The following SMIM13 variants were observed in gnomAD, a reference collection of about 807,000 sequenced individuals.
SMIM13 encodes the protein UPF0766 protein C6orf228.
Under a neutral mutation model 5.9 loss-of-function variants are expected in SMIM13, and 3 were observed. That is an observed-to-expected ratio of 0.51 (90% confidence interval 0.23 to 1.31). The LOEUF is 1.31. SMIM13 is among the 40% of genes most tolerant of loss of function. The pLI, the probability that SMIM13 is intolerant of heterozygous loss-of-function variation, is 0.18. For missense variants in SMIM13, 85 were observed against 109.9 expected, an observed-to-expected ratio of 0.77 and a Z score of 1.01; for synonymous variants, 55 against 46.0, an observed-to-expected ratio of 1.19 and a Z score of -0.79.
At chr6:11,104,855 A>C in intron 1 of SMIM13, 1 of 1,614,214 alleles carries the variant, frequency 6.2e-7, no homozygotes, top group South Asian at 1.1e-5. Flanking sequence ...GTTGGTTAGA[A>C]TCTACAGTGA....
intron 1 of SMIM13, among the ~76,000 whole-genome samples, chr6:11,110,472 C>A (rs1758150746): frequency 6.6e-6 from 1 of 152,156 alleles, no homozygotes; most frequent in African/African-American, 2.4e-5. Flanking sequence ...AGACGAGAAG[C>A]CTGTTTTTCT....
intron 1 of SMIM13, 127 bp downstream of exon 1, chr6:11,094,516 C>A: frequency 1.3e-6 from 1 of 746,020 alleles, no homozygotes; most frequent in South Asian, 1.8e-5. Context: ...TTAAAATCAA[C>A]TGTTGTCCCT....
chr6:11,121,685 C>G (rs923609630), intron 1 of SMIM13, among the ~76,000 whole-genome samples: 1 of 152,228 alleles, frequency 6.6e-6, no homozygotes, highest in Admixed American at 6.5e-5. Context: ...CACTTGTCTT[C>G]TCTTCCACTC....
At chr6:11,096,641 A>G (rs897086657) in intron 1 of SMIM13, among the ~76,000 whole-genome samples, 4 of 152,086 alleles carry the variant, frequency 2.6e-5, no homozygotes, top group Admixed American at 2.6e-4. Context: ...ATGACAAAAT[A>G]CCAGAGACTG....
At chr6:11,129,689 C>A (rs1482562780) in intron 1 of SMIM13, among the ~76,000 whole-genome samples, 1 of 151,942 alleles carries the variant, frequency 6.6e-6, no homozygotes, top group Non-Finnish European at 1.5e-5. Flanking sequence ...GTCTATGTGT[C>A]TGTTTTTTTA....
chr6:11,119,269 T>TCTCA (rs892939913), intron 1 of SMIM13, among the ~76,000 whole-genome samples: 2 of 152,142 alleles, frequency 1.3e-5, no homozygotes, highest in African/African-American at 2.4e-5. Flanking sequence ...TCTTTCTCTC[T>TCTCA]CTCACTCACT....
chr6:11,100,333 T>C (rs976154200), intron 1 of SMIM13, among the ~76,000 whole-genome samples: 2 of 152,228 alleles, frequency 1.3e-5, no homozygotes, highest in African/African-American at 4.8e-5. Flanking sequence ...GTACTGGGAT[T>C]ATAGGCATGA....
chr6:11,115,929 C>T (rs1444071184), intron 1 of SMIM13, among the ~76,000 whole-genome samples: 1 of 151,438 alleles, frequency 6.6e-6, no homozygotes, highest in Non-Finnish European at 1.5e-5. Context: ...TCAGGTGATC[C>T]AACTGCTTCG....
intron 1 of SMIM13, among the ~76,000 whole-genome samples, chr6:11,119,306 A>G (rs1758281857): frequency 6.6e-6 from 1 of 152,068 alleles, no homozygotes; most frequent in South Asian, 2.1e-4. Flanking sequence ...TCTTCAAACT[A>G]GCCAGGTAGA....
intron 1 of SMIM13, among the ~76,000 whole-genome samples, chr6:11,126,382 G>C (rs1314890729): frequency 2.6e-5 from 4 of 152,118 alleles, no homozygotes; most frequent in African/African-American, 9.7e-5. Context: ...TGTCTTCAAG[G>C]TCACTAATTT....
At chr6:11,101,676 C>T (rs1379068781) in intron 1 of SMIM13, among the ~76,000 whole-genome samples, 3 of 151,882 alleles carry the variant, frequency 2.0e-5, no homozygotes, top group Non-Finnish European at 4.4e-5. Context: ...TGTCTTTAAA[C>T]TGGTCTTATA....
At chr6:11,115,192 T>A (rs917353891) in intron 1 of SMIM13, among the ~76,000 whole-genome samples, 11 of 152,346 alleles carry the variant, frequency 7.2e-5, no homozygotes, top group Admixed American at 6.5e-4. Context: ...TACATACAAT[T>A]GCTATATTGG....
At chr6:11,120,774 T>C (rs929173027) in intron 1 of SMIM13, among the ~76,000 whole-genome samples, 1 of 152,252 alleles carries the variant, frequency 6.6e-6, no homozygotes, top group African/African-American at 2.4e-5. Context: ...TGTGCCTTTA[T>C]TTTCTTATTT....
chr6:11,133,484 T>C (rs1444331723), intron 1 of SMIM13, among the ~76,000 whole-genome samples: 1 of 152,212 alleles, frequency 6.6e-6, no homozygotes, highest in Non-Finnish European at 1.5e-5. Context: ...TGTATTTTGT[T>C]TTCACAAAAT....
chr6:11,102,664 A>ATATC (rs1020734799), intron 1 of SMIM13: 5 of 152,196 alleles, frequency 3.3e-5, no homozygotes, highest in Non-Finnish European at 5.9e-5. Context: ...TAGAGGTTAG[A>ATATC]TGGTGGTTTC....
intron 1 of SMIM13, chr6:11,105,081 C>A (rs74690822): frequency 6.2e-7 from 1 of 1,614,138 alleles, no homozygotes; most frequent in East Asian, 2.2e-5. Flanking sequence ...AGGGTCCCAT[C>A]GATAGGAAAT....
intron 1 of SMIM13, among the ~76,000 whole-genome samples, chr6:11,112,221 C>G (rs1294796560): frequency 6.6e-6 from 1 of 152,120 alleles, no homozygotes; most frequent in Non-Finnish European, 1.5e-5. Flanking sequence ...TCTAACAGAA[C>G]CAGCTTAACC....
intron 1 of SMIM13, among the ~76,000 whole-genome samples, chr6:11,116,504 A>C (rs1188537803): frequency 6.6e-6 from 1 of 152,222 alleles, no homozygotes; most frequent in Non-Finnish European, 1.5e-5. Context: ...TCTTTTTGGA[A>C]AGATTTTCAA....
intron 1 of SMIM13, among the ~76,000 whole-genome samples, chr6:11,113,990 A>ATTGT (rs1758203728): frequency 8.2e-6 from 1 of 121,270 alleles, no homozygotes. Context: ...TTTTTTTTTA[A>ATTGT]TTTTTTTGAG....
Sources: allele counts gnomAD v4.1 joint callset (sites outside exome capture counted in the v4.1 genomes callset), GRCh38; gene constraint gnomAD v4.1.1; transcripts MANE v1.5; gene names NCBI Gene and HGNC (gene_info 2026-07-23, HGNC 2026-07-21).